Variants in BNIP2 observed in about 807,000 individuals in gnomAD.
The protein encoded by BNIP2 is BCL2 interacting protein 2.
BNIP2 carries 36 observed loss-of-function variants against 43.4 expected under a neutral mutation model. The observed-to-expected ratio is 0.83, with a 90% CI of 0.64 to 1.10. The LOEUF (loss-of-function observed/expected upper bound fraction) is 1.10, where lower values mean the gene tolerates loss of function less well. Ranked by LOEUF, BNIP2 falls within the 50% of genes least tolerant of loss-of-function variation. The pLI is 0.00. For synonymous variants in BNIP2, 146 were observed against 121.0 expected (o/e 1.21, Z -1.35); for missense variants, 417 against 374.1 (o/e 1.11, Z -0.95).
At chr15:59,688,854 G>C in intron 1 of BNIP2, 1 of 1,504,320 alleles carries the variant, frequency 6.6e-7, no homozygotes, top group Non-Finnish European at 8.8e-7. Context: ...GAGGGGCAAG[G>C]TTCCATCCCG....
At chr15:59,678,170 T>G (rs1423803760) in intron 4 of BNIP2, 83 bp from the exon 5 acceptor site, 1 of 1,445,696 alleles carries the variant, frequency 6.9e-7, no homozygotes, top group African/African-American at 1.4e-5. Context: ...CTACCTAGAT[T>G]TTACAGAGAA....
intron 9 of BNIP2, 71 bp from the exon 10 acceptor site, chr15:59,664,191 T>C: frequency 3.8e-6 from 4 of 1,059,952 alleles, no homozygotes; most frequent in Non-Finnish European, 5.5e-6. Context: ...ATAATGACTA[T>C]TTTAGCATAG....
rs1892156073 is a variant in BNIP2 at position 59,659,810 on chromosome 15, G to T, written c.*4259C>A. 1 of 152,154 alleles carries T rather than the reference G, an allele frequency of 6.6e-6. No homozygotes were observed. The highest frequency in any genetic ancestry group is 2.4e-5 in the African/African-American group (1 of 41,442). The allele number at this position is 152,154 out of a possible 1,614,324, so 9.4% of individuals were successfully genotyped here. ...CATTTGGTGCTTACGTGCTTTATGT[G>T]AATTTTTCATAGCATTTTACTTAGT... On this transcript the variant is annotated 3_prime_UTR_variant, in exon 10 of 10. Coordinates refer to ENST00000607373, the MANE Select transcript of BNIP2 (RefSeq NM_004330.4).
intron 2 of BNIP2, among the ~76,000 whole-genome samples, chr15:59,681,122 C>T (rs560891991): frequency 6.6e-6 from 1 of 152,278 alleles, no homozygotes; most frequent in South Asian, 2.1e-4. Context: ...AACAATGGTT[C>T]AATTCTTCTG....
At chr15:59,676,681 T>C (rs1196668323) in intron 5 of BNIP2, 6 of 622,494 alleles carry the variant, frequency 9.6e-6, no homozygotes, top group Non-Finnish European at 1.1e-5. Flanking sequence ...AATTCTGATA[T>C]TGCATGAAAC....
At position 59,662,566 on chromosome 15, in the gene BNIP2, G is replaced by C. The variant is rs1436515703; in HGVS notation, c.*1503C>G. On this transcript the variant is annotated 3_prime_UTR_variant, in exon 10 of 10. Transcript: ENST00000607373. ...GGACTGAGGAGGACAAAAAATATAG[G>C]AAAGTTCCCTTTTGTAACAGAAGGT... 6.6e-6 allele frequency: 1 copy of C among 152,204 alleles called. No individual in the cohort carries two copies. Among genetic ancestry groups the C allele is most frequent in the Non-Finnish European group, 1.5e-5 (1 of 68,042 alleles). The allele number at this position is 152,204 out of a possible 1,614,324, so 9.4% of individuals were successfully genotyped here. A position where few individuals can be genotyped will look rare whatever the true frequency, so the allele number is the denominator to read the frequency against.
chr15:59,678,694 A>G, intron 4 of BNIP2: 1 of 1,212,546 alleles, frequency 8.2e-7, no homozygotes, highest in Non-Finnish European at 1.1e-6. Context: ...ATTGCAGTTT[A>G]GCTGATTTTC....
intron 1 of BNIP2, among the ~76,000 whole-genome samples, chr15:59,685,574 C>G (rs1454472926): frequency 6.6e-6 from 1 of 152,204 alleles, no homozygotes; most frequent in Non-Finnish European, 1.5e-5. Flanking sequence ...AGTCTTTCAG[C>G]TATCTCAGCC....
At position 59,662,985 on chromosome 15, in the gene BNIP2, A is replaced by T. The variant is rs1410679621; in HGVS notation, c.*1084T>A. The T allele has an allele frequency of 6.6e-6, 1 of 152,636 alleles. No homozygotes were observed. Among genetic ancestry groups the T allele is most frequent in the Non-Finnish European group, 1.5e-5 (1 of 68,046 alleles). The allele number at this position is 152,636 out of a possible 1,614,324, so 9.5% of individuals were successfully genotyped here. A position where few individuals can be genotyped will look rare whatever the true frequency, so the allele number is the denominator to read the frequency against. On this transcript the variant is annotated 3_prime_UTR_variant, in exon 10 of 10. Transcript: ENST00000607373. ...TGATGATGCTAAGACTTACAAAATT[A>T]ACCTAATTTACAGTATTGTCAAACA... is the stretch of plus-strand genomic sequence containing the variant.
chr15:59,664,583 A>T (rs1453733241), intron 9 of BNIP2, among the ~76,000 whole-genome samples: 1 of 151,974 alleles, frequency 6.6e-6, no homozygotes, highest in Non-Finnish European at 1.5e-5. Flanking sequence ...GGGTTTCACC[A>T]TGTTAGCCAG....
chr15:59,688,820 G>C (rs1428060073), intron 1 of BNIP2: 1 of 1,534,106 alleles, frequency 6.5e-7, no homozygotes. Flanking sequence ...ACCCACACCA[G>C]GGTAAAAGGG....
Position 59,682,269 on chromosome 15 carries a change from G to A in BNIP2, c.50+139C>T, listed in dbSNP as rs554372459. On this transcript the variant is annotated intron_variant, in intron 2 of 9. Coordinates refer to ENST00000607373, the MANE Select transcript of BNIP2 (RefSeq NM_004330.4). Reference sequence around the variant, plus strand: ...TTGAATCCAGGAGGCGGAGGTTGCAGTGAGCTGAGATCGCGCCACTGCACT... The same window carrying A: ...TTGAATCCAGGAGGCGGAGGTTGCAATGAGCTGAGATCGCGCCACTGCACT... 18 of 615,766 alleles carry A rather than the reference G, an allele frequency of 2.9e-5. No individual in the cohort carries two copies. In the South Asian group the frequency reaches 4.0e-4, roughly 14 times the overall value. 38.1% of individuals were successfully genotyped at this position (615,766 alleles called of 1,614,324 possible).
intron 2 of BNIP2, among the ~76,000 whole-genome samples, chr15:59,681,409 T>A (rs1381787859): frequency 6.6e-6 from 1 of 151,900 alleles, no homozygotes; most frequent in African/African-American, 2.4e-5. Context: ...TTAATTTACT[T>A]AGTAAGGTTT....
intron 9 of BNIP2, among the ~76,000 whole-genome samples, chr15:59,668,301 A>G (rs1181842785): frequency 1.3e-5 from 2 of 152,240 alleles, no homozygotes; most frequent in African/African-American, 4.8e-5. Flanking sequence ...TCTGACTTTC[A>G]TACATTAAAT....
intron 9 of BNIP2, among the ~76,000 whole-genome samples, chr15:59,664,340 T>C (rs188827169): frequency 6.6e-6 from 1 of 152,326 alleles, no homozygotes; most frequent in East Asian, 1.9e-4. Flanking sequence ...GTTGTTTCTT[T>C]AAAGATTATA....
At chr15:59,680,416 A>G in intron 2 of BNIP2, 108 bp from the exon 3 acceptor site, 1 of 847,436 alleles carries the variant, frequency 1.2e-6, no homozygotes, top group Non-Finnish European at 1.7e-6. Context: ...TGGAAAATGG[A>G]ATAAAGCAGT....
intron 5 of BNIP2, chr15:59,676,723 C>T (rs977355052): frequency 3.0e-5 from 33 of 1,085,642 alleles, no homozygotes; most frequent in Admixed American, 1.5e-4. Flanking sequence ...TGGAGTGCCG[C>T]GCGGTGCGGT....
chr15:59,672,938 A>T (rs1435870637), intron 5 of BNIP2, among the ~76,000 whole-genome samples, 199 bp from the exon 6 acceptor site: 1 of 152,224 alleles, frequency 6.6e-6, no homozygotes, highest in Non-Finnish European at 1.5e-5. Flanking sequence ...AGTAAAATTT[A>T]AAGAGGACGG....
intron 2 of BNIP2, among the ~76,000 whole-genome samples, chr15:59,681,407 C>T (rs1156789398): frequency 6.7e-6 from 1 of 149,898 alleles, no homozygotes; most frequent in East Asian, 2.0e-4. Flanking sequence ...TATTAATTTA[C>T]TTAGTAAGGT....
Sources: gnomAD v4.1 joint callset for allele counts (sites outside exome capture counted in the v4.1 genomes callset) on GRCh38, gnomAD v4.1.1 for gene constraint, MANE v1.5 for transcripts, NCBI Gene and HGNC (gene_info 2026-07-23, HGNC 2026-07-21) for gene names.